The following IZUMO1R variants were observed in gnomAD, a reference collection of about 807,000 sequenced individuals.
IZUMO1R encodes the protein IZUMO1 receptor, JUNO, also known as sperm-egg fusion protein Juno.
A neutral mutation model predicts 22.1 loss-of-function variants in IZUMO1R; 24 were observed. The ratio of observed to expected loss-of-function variants is 1.09; its 90% CI spans 0.79 to 1.53. The LOEUF (loss-of-function observed/expected upper bound fraction) is 1.53. Ranked by LOEUF, IZUMO1R falls within the 40% of genes most tolerant of loss-of-function variation. The probability of loss-of-function intolerance (pLI) is 0.00; values close to 1 mark genes in which losing one functional copy is unlikely to be tolerated. For missense variants in IZUMO1R, 308 were observed against 314.9 expected (o/e 0.98, Z 0.17); for synonymous variants, 133 against 121.2 (o/e 1.10, Z -0.64).
In IZUMO1R at chr11:94,307,452, G is replaced by C; in HGVS notation, c.513G>C (p.Gln171His). 1 of 1,613,948 alleles carries C rather than the reference G, an allele frequency of 6.2e-7. No homozygotes were observed. The highest frequency in any genetic ancestry group is 8.5e-7 in the Non-Finnish European group (1 of 1,179,894). ...AGAACCGCTGCCCCAAAGGGGCCCAGTGCCTCCCTTTCTCCCATTACTTCC... is the reference window on the plus strand; with the variant it reads ...AGAACCGCTGCCCCAAAGGGGCCCACTGCCTCCCTTTCTCCCATTACTTCC... The part of the protein sequence containing the change: ...QGKNRCPKGA[Q>H]CLPFSHYFPT... The change falls in exon 5 of 5, where the codon CAG (glutamine) becomes CAC (histidine). Residue 171 changes from glutamine to histidine, a missense_variant. Coordinates refer to ENST00000687084, the MANE Select transcript of IZUMO1R (RefSeq NM_001199206.4).
Position 94,307,467 on chromosome 11 carries a change from C to T in IZUMO1R, c.528C>T (p.Ser176=), listed in dbSNP as rs199763557. The T allele has an allele frequency of 8.8e-4, 1,419 of 1,613,958 alleles. No homozygotes were observed. The highest frequency in any genetic ancestry group is 9.8e-4 in the Non-Finnish European group (1,159 of 1,179,906). Residue 176 remains serine, a synonymous_variant, in exon 5 of 5, where the codon TCC becomes TCT. Transcript: ENST00000687084. ...AAGGGGCCCAGTGCCTCCCTTTCTC[C>T]CATTACTTCCCCACCCCAGCTGACC... ...CPKGAQCLPF[S]HYFPTPADLC...
chr11:94,307,945 C>A lies in IZUMO1R; in HGVS notation c.*253C>A, dbSNP rs1944041966. 6.6e-6 allele frequency among the ~76,000 whole-genome samples: 1 copy of A among 152,028 alleles called. No individual in the cohort carries two copies. Among genetic ancestry groups the A allele is most frequent in the African/African-American group, 2.4e-5 (1 of 41,436 alleles). ...GACCCCCTCCACTGCTCTGCTCTAT[C>A]TTAGCTGGCCTAGGAGGCAGCTGGG... On this transcript the variant is annotated 3_prime_UTR_variant, in exon 5 of 5. Coordinates refer to ENST00000687084, the MANE Select transcript of IZUMO1R (RefSeq NM_001199206.4).
At chr11:94,305,568 A>G (rs917643097) in intron 1 of IZUMO1R, 63 bp from the exon 2 acceptor site, 48 of 1,579,384 alleles carry the variant, frequency 3.0e-5, no homozygotes, top group Non-Finnish European at 4.1e-5. Flanking sequence ...AGTGCCTGCT[A>G]TGATGAAGGG....
intron 2 of IZUMO1R, 137 bp downstream of exon 2, chr11:94,305,911 A>G (rs1450510962): frequency 3.3e-5 from 31 of 943,166 alleles, no homozygotes; most frequent in African/African-American, 6.8e-5. Flanking sequence ...CTAGATGGAA[A>G]GAGACTATGC....
At position 94,307,781 on chromosome 11, in the gene IZUMO1R, C is replaced by A; in HGVS notation, c.*89C>A. On this transcript the variant is annotated 3_prime_UTR_variant, in exon 5 of 5. Transcript: ENST00000687084. ...GCCTACCTCCTTCCTCAGGCCCTCC[C>A]CTAAAAGCAGTGGCATGGGCTAGGG... 7.0e-7 allele frequency: 1 copy of A among 1,433,150 alleles called. No individual in the cohort carries two copies. Among genetic ancestry groups the A allele is most frequent in the Non-Finnish European group, 9.5e-7 (1 of 1,049,008 alleles). The allele number at this position is 1,433,150 out of a possible 1,614,324, so 88.8% of individuals were successfully genotyped here.
chr11:94,307,090 AATACC>A, intron 3 of IZUMO1R, 70 bp from the exon 4 acceptor site: 1 of 1,499,142 alleles, frequency 6.7e-7, no homozygotes, highest in South Asian at 1.2e-5. Context: ...ACCTGGTACA[AATACC>A]ACTGTAGCTA....
At chr11:94,306,858 G>T in intron 3 of IZUMO1R, 136 bp downstream of exon 3, 5 of 915,672 alleles carry the variant, frequency 5.5e-6, no homozygotes, top group Non-Finnish European at 8.3e-6. Context: ...AGAGCCAGAG[G>T]CCCCTGCTGG....
In IZUMO1R at chr11:94,304,923, T is replaced by C. The variant is rs542481497; in HGVS notation, c.-7+44T>C. Reference sequence around the variant, plus strand: ...CTGGAAGGGGCAGCATCTTTCCTCCTTTTACCTAACAGATCTGATTCTTTA... The same window carrying C: ...CTGGAAGGGGCAGCATCTTTCCTCCCTTTACCTAACAGATCTGATTCTTTA... On this transcript the variant is annotated intron_variant, in intron 1 of 4. Transcript: ENST00000687084. Among the ~76,000 whole-genome samples the C allele has an allele frequency of 1.7e-4, 26 of 152,272 alleles. No homozygotes were observed. In the East Asian group the frequency reaches 4.2e-3, roughly 25 times the overall value.
Position 94,307,823 on chromosome 11 carries a change from G to GAC in IZUMO1R, c.*131_*132insAC. 1 of 140,518 alleles carries GAC rather than the reference G, an allele frequency of 7.1e-6. No homozygotes were observed. The highest frequency in any genetic ancestry group is 9.9e-6 in the Non-Finnish European group (1 of 101,012). The allele number at this position is 140,518 out of a possible 1,614,324, so 8.7% of individuals were successfully genotyped here. On this transcript the variant is annotated 3_prime_UTR_variant, in exon 5 of 5. Transcript: ENST00000687084. ...GGGCTAGGGACTGCAGTCCCACCCAGTCTAGCCCATGCCACTGCTTTTAGG... is the reference window on the plus strand; with the variant it reads ...GGGCTAGGGACTGCAGTCCCACCCAGACTCTAGCCCATGCCACTGCTTTTAGG...
At chr11:94,307,068 T>C in intron 3 of IZUMO1R, 97 bp from the exon 4 acceptor site, 1 of 1,352,232 alleles carries the variant, frequency 7.4e-7, no homozygotes, top group Non-Finnish European at 1.0e-6. Context: ...TGGAAGATGA[T>C]GTACATATGG....
rs1944028702 is a variant in IZUMO1R at position 94,307,027 on chromosome 11, A to G, written c.349-138A>G. 4 of 1,040,024 alleles carry G rather than the reference A, an allele frequency of 3.8e-6. No homozygotes were observed. The South Asian group carries it at 6.3e-5, about 16-fold the overall frequency. 64.4% of individuals were successfully genotyped at this position (1,040,024 alleles called of 1,614,324 possible). On this transcript the variant is annotated intron_variant, in intron 3 of 4. Transcript: ENST00000687084. ...TATTAAATCTCTTAGCCTCATTGGT[A>G]TTATTTGTAAAATAACACTTAGAGG...
rs373123894 is a variant in IZUMO1R at position 94,305,791 on chromosome 11, T to A, written c.138+17T>A. The stretch of plus-strand genomic sequence containing the variant: ...TATGAGGAGGTACAGAGGCCAGACC[T>A]GGGTATGGGATGGGGAAGATCAGGG... On this transcript the variant is annotated intron_variant, in intron 2 of 4. Coordinates refer to ENST00000687084, the MANE Select transcript of IZUMO1R (RefSeq NM_001199206.4). 176 of 1,611,844 alleles carry A rather than the reference T, an allele frequency of 1.1e-4. No homozygotes were observed. Among genetic ancestry groups the A allele is most frequent in the Non-Finnish European group, 1.4e-4 (167 of 1,179,220 alleles).
rs979217729 is a variant in IZUMO1R at position 94,304,899 on chromosome 11, T to C, written c.-7+20T>C. On this transcript the variant is annotated intron_variant, in intron 1 of 4. Transcript: ENST00000687084. ...TTGAAAGTGAGTATGAAGAGAGTGC[T>C]GGAAGGGGCAGCATCTTTCCTCCTT... Among the ~76,000 whole-genome samples the C allele has an allele frequency of 6.6e-6, 1 of 152,094 alleles. No homozygotes were observed. The highest frequency in any genetic ancestry group is 2.1e-4 in the South Asian group (1 of 4,818).
Position 94,307,801 on chromosome 11 carries a change from C to CTTT in IZUMO1R, c.*110_*111insTTT. The CTTT allele has an allele frequency of 2.0e-6, 2 of 1,021,294 alleles. No homozygotes were observed. Among genetic ancestry groups the CTTT allele is most frequent in the South Asian group, 3.0e-5 (2 of 67,506 alleles). 63.3% of individuals were successfully genotyped at this position (1,021,294 alleles called of 1,614,324 possible). On this transcript the variant is annotated 3_prime_UTR_variant, in exon 5 of 5. Transcript: ENST00000687084. Reference sequence around the variant, plus strand: ...CCTCCCCTAAAAGCAGTGGCATGGGCTAGGGACTGCAGTCCCACCCAGTCT... The same window carrying CTTT: ...CCTCCCCTAAAAGCAGTGGCATGGGCTTTTAGGGACTGCAGTCCCACCCAGTCT...
intron 1 of IZUMO1R, 128 bp from the exon 2 acceptor site, chr11:94,305,503 A>C: frequency 1.8e-6 from 2 of 1,120,892 alleles, no homozygotes; most frequent in Non-Finnish European, 2.6e-6. Flanking sequence ...AGGTCCTAGG[A>C]GCAGCCAGAG....
rs1944037192 is a variant in IZUMO1R at position 94,307,648 on chromosome 11, T to C, written c.709T>C (p.Tyr237His). Residue 237 changes from tyrosine (Y) to histidine (H), a missense_variant, in exon 5 of 5, where the codon TAC (tyrosine) becomes CAC (histidine). Coordinates refer to ENST00000687084, the MANE Select transcript of IZUMO1R (RefSeq NM_001199206.4). Reference protein sequence around the residue: ...ASSAPSWELSYTIMVCSLFLP... With the variant: ...ASSAPSWELSHTIMVCSLFLP... ...CTCTGCCCCATCCTGGGAACTGTCC[T>C]ACACCATCATGGTCTGCTCCCTGTT... The C allele has an allele frequency of 1.2e-6, 2 of 1,613,832 alleles. No individual in the cohort carries two copies. Among genetic ancestry groups the C allele is most frequent in the Non-Finnish European group, 1.7e-6 (2 of 1,179,800 alleles).
rs535790014 is a variant in IZUMO1R, at chr11:94,307,260, A to T, written c.444A>T (p.Thr148=). 2.5e-6 allele frequency: 4 copies of T among 1,611,978 alleles called. No homozygotes were observed. In the Admixed American group the frequency reaches 6.7e-5, roughly 27 times the overall value. Residue 148 remains threonine, a synonymous_variant, in exon 4 of 5, where the codon ACA becomes ACT. Coordinates refer to ENST00000687084, the MANE Select transcript of IZUMO1R (RefSeq NM_001199206.4). Reference sequence around the variant, plus strand: ...GGGAAGACTGTCGCATGTCTTACACATGCAAATCCAACTGGCGTGGTGGCT... The same window carrying T: ...GGGAAGACTGTCGCATGTCTTACACTTGCAAATCCAACTGGCGTGGTGGCT... ...EWWEDCRMSY[T]CKSNWRGGWD...
At chr11:94,304,927 A>G (rs1943999176) in intron 1 of IZUMO1R, among the ~76,000 whole-genome samples, 48 bp downstream of exon 1, 1 of 151,998 alleles carries the variant, frequency 6.6e-6, no homozygotes, top group African/African-American at 2.4e-5. Flanking sequence ...TCCTCCTTTT[A>G]CCTAACAGAT....
chr11:94,307,411 C>T lies in IZUMO1R; in HGVS notation c.485-13C>T, dbSNP rs1267498815. ...GAGTAGGAGGTAAGCTGTCCCTCCT[C>T]CATCCCCTGCAGGGAAGAACCGCTG... is the stretch of plus-strand genomic sequence containing the variant. On this transcript the variant is annotated splice_polypyrimidine_tract_variant and intron_variant, in intron 4 of 4. Transcript: ENST00000687084. 1.2e-6 allele frequency: 2 copies of T among 1,613,572 alleles called. No homozygotes were observed. Among genetic ancestry groups the T allele is most frequent in the Admixed American group, 1.7e-5 (1 of 60,012 alleles).
Sources: allele counts gnomAD v4.1 joint callset (sites outside exome capture counted in the v4.1 genomes callset), GRCh38; gene constraint gnomAD v4.1.1; transcripts MANE v1.5; gene names NCBI Gene and HGNC (gene_info 2026-07-23, HGNC 2026-07-21).